PLA2G6: variants seen among roughly 807,000 people sequenced by gnomAD.
PLA2G6 encodes phospholipase A2 group VI, also known as 85/88 kDa calcium-independent phospholipase A2.
A neutral mutation model predicts 83.8 loss-of-function variants in PLA2G6; 62 were observed. The ratio of observed to expected loss-of-function variants is 0.74; its 90% CI spans 0.60 to 0.91. The LOEUF is 0.91. Among genes scored for constraint, PLA2G6 ranks in the 40% least tolerant of loss-of-function variants. PLA2G6 has a pLI of 0.00. For missense variants in PLA2G6, 944 were observed against 1,102.0 expected, an observed-to-expected ratio of 0.86 and a Z score of 2.03; for synonymous variants, 417 against 449.8, an observed-to-expected ratio of 0.93 and a Z score of 0.92.
At chr22:38,162,844 C>T (rs576393059) in intron 2 of PLA2G6, among the ~76,000 whole-genome samples, 7 of 152,224 alleles carry the variant, frequency 4.6e-5, no homozygotes, top group Admixed American at 1.3e-4. Context: ...GCGGGGCAAG[C>T]GGGTCCTTCA....
At position 38,153,380 on chromosome 22, in the gene PLA2G6, G is replaced by A. The variant is rs1016751250; in HGVS notation, c.210-7727C>T. ...GAAGTGAGGAGTGCCTCTCCTGGCC[G>A]CCGTGCAACCTTCCAAGTGTGAAGC... is the stretch of plus-strand genomic sequence containing the variant. On this transcript the variant is annotated intron_variant, in intron 2 of 16. Coordinates refer to ENST00000332509, the MANE Select transcript of PLA2G6 (RefSeq NM_003560.4). 2.0e-5 allele frequency among the ~76,000 whole-genome samples: 3 copies of A among 152,318 alleles called. No individual in the cohort carries two copies. The East Asian group carries it at 5.8e-4, about 29-fold the overall frequency.
At chr22:38,153,642 A>G (rs2089664613) in intron 2 of PLA2G6, among the ~76,000 whole-genome samples, 1 of 152,030 alleles carries the variant, frequency 6.6e-6, no homozygotes, top group African/African-American at 2.4e-5. Context: ...TCTCAAAAAA[A>G]AAAAAAAAAG....
chr22:38,115,122 C>T (rs2087110796), intron 14 of PLA2G6, among the ~76,000 whole-genome samples: 1 of 152,234 alleles, frequency 6.6e-6, no homozygotes, highest in African/African-American at 2.4e-5. Flanking sequence ...TCCGAGCCCC[C>T]AGGCCTTTTA....
rs1308797891 is a variant in PLA2G6, at chr22:38,123,796, T to C, written c.1428-538A>G. ...GTGCTACCAGCATTAGCTCATGTCA[T>C]TGTCCCAAACGCCTCTGAGGCAGAC... On this transcript the variant is annotated intron_variant, in intron 10 of 16. Transcript: ENST00000332509. This position sits in a 1 kb window ranked among gnomAD's most constrained non-coding sequence, Gnocchi z 4.1. Among the ~76,000 whole-genome samples the C allele has an allele frequency of 1.3e-5, 2 of 152,098 alleles. No individual in the cohort carries two copies. Among genetic ancestry groups the C allele is most frequent in the African/African-American group, 2.4e-5 (1 of 41,408 alleles).
chr22:38,126,705 A>C (rs1449441133), intron 9 of PLA2G6: 4 of 518,986 alleles, frequency 7.7e-6, no homozygotes, highest in African/African-American at 7.7e-5. Context: ...CACCCTGCCC[A>C]GCCAGCTCCC....
chr22:38,117,357 G>GC (rs1483715279), intron 12 of PLA2G6, among the ~76,000 whole-genome samples: 1 of 152,018 alleles, frequency 6.6e-6, no homozygotes, highest in African/African-American at 2.4e-5. Flanking sequence ...ACAGGCGCCC[G>GC]CCACCACGCC....
chr22:38,178,310 C>G (rs2090715182), intron 1 of PLA2G6, among the ~76,000 whole-genome samples: 2 of 152,196 alleles, frequency 1.3e-5, no homozygotes, highest in African/African-American at 4.8e-5. Context: ...GCAGTTCACT[C>G]CTGTAATCCC....
At chr22:38,148,565 C>A (rs116604972) in intron 2 of PLA2G6, 1 of 717,074 alleles carries the variant, frequency 1.4e-6, no homozygotes, top group Admixed American at 2.0e-5. Flanking sequence ...GATGGGCAGA[C>A]GAGCAGCACC....
Position 38,123,087 on chromosome 22 carries a change from G to A in PLA2G6, c.1591+8C>T, listed in dbSNP as rs200032947. ...CCGCCTGGCCCCATCCCCAGGGGCC[G>A]CCCTCACTGTGCAGAATGGCCAGGG... is the stretch of plus-strand genomic sequence containing the variant. On this transcript the variant is annotated splice_region_variant and intron_variant, in intron 11 of 16. Coordinates refer to ENST00000332509, the MANE Select transcript of PLA2G6 (RefSeq NM_003560.4). This position sits in a 1 kb window ranked among gnomAD's most constrained non-coding sequence, Gnocchi z 4.1. 186 of 1,547,774 alleles carry A rather than the reference G, an allele frequency of 1.2e-4. No homozygotes were observed. In the East Asian group the frequency reaches 2.1e-3, roughly 17 times the overall value.
intron 1 of PLA2G6, 104 bp from the exon 2 acceptor site, chr22:38,169,575 C>T (rs747114992): frequency 2.7e-5 from 19 of 704,054 alleles, no homozygotes; most frequent in Non-Finnish European, 3.8e-5. Context: ...TCCCCACCAG[C>T]GTTGTCCCCA....
Position 38,115,599 on chromosome 22 carries a change from C to T in PLA2G6, c.1962G>A (p.Gly654=). The stretch of plus-strand genomic sequence containing the variant: ...CCAGCGTGGGGTTGTTGGCCAGCAG[C>T]CCACCGTCCAGGAAGCGCCCATTGG... The part of the protein sequence containing the change: ...FRPNGRFLDG[G]LLANNPTLDA... Residue 654 remains glycine (G), a synonymous_variant, in exon 14 of 17, where the codon GGG becomes GGA. Transcript: ENST00000332509. 3 of 1,613,062 alleles carry T rather than the reference C, an allele frequency of 1.9e-6. No individual in the cohort carries two copies. The highest frequency in any genetic ancestry group is 2.5e-6 in the Non-Finnish European group (3 of 1,179,782).
In PLA2G6 at chr22:38,123,858, G is replaced by A. The variant is rs1001409785; in HGVS notation, c.1428-600C>T. ...TCCCTGTGCTTATTTATTTAGAGAC[G>A]GAGTTTCACTCTTGTTGCCCAGGCT... On this transcript the variant is annotated intron_variant, in intron 10 of 16. Transcript: ENST00000332509. This position sits in a 1 kb window ranked among gnomAD's most constrained non-coding sequence, Gnocchi z 4.1. 2.0e-5 allele frequency among the ~76,000 whole-genome samples: 3 copies of A among 152,062 alleles called. No homozygotes were observed. The highest frequency in any genetic ancestry group is 1.5e-5 in the Non-Finnish European group (1 of 68,006).
intron 3 of PLA2G6, chr22:38,145,163 T>A (rs1396182541): frequency 9.7e-6 from 4 of 413,222 alleles, no homozygotes; most frequent in Non-Finnish European, 1.8e-5. Flanking sequence ...TGCCTCAGCA[T>A]CCCAAGTAGC....
intron 12 of PLA2G6, among the ~76,000 whole-genome samples, chr22:38,119,775 T>C (rs1179464093): frequency 6.6e-6 from 1 of 151,742 alleles, no homozygotes; most frequent in Non-Finnish European, 1.5e-5. Context: ...TTCACAGCAA[T>C]ATACTCCAGC....
At position 38,145,669 on chromosome 22, in the gene PLA2G6, A is replaced by G; in HGVS notation, c.210-16T>C. On this transcript the variant is annotated splice_polypyrimidine_tract_variant and intron_variant, in intron 2 of 16. Transcript: ENST00000332509. The stretch of plus-strand genomic sequence containing the variant: ...CTGGAAGAGTCTGTAGAGCCAGGAC[A>G]GAGGAGCAAGACCCGAAATGAGTAA... 1 of 1,574,848 alleles carries G rather than the reference A, an allele frequency of 6.3e-7. No homozygotes were observed. Among genetic ancestry groups the G allele is most frequent in the Non-Finnish European group, 8.7e-7 (1 of 1,148,316 alleles).
At chr22:38,151,918 A>C (rs945709338) in intron 2 of PLA2G6, among the ~76,000 whole-genome samples, 1 of 152,200 alleles carries the variant, frequency 6.6e-6, no homozygotes, top group Non-Finnish European at 1.5e-5. Context: ...ATTATGCTGA[A>C]AAGTAAGCAA....
At chr22:38,130,337 A>T (rs2088133134) in intron 7 of PLA2G6, 1 of 154,824 alleles carries the variant, frequency 6.5e-6, no homozygotes, top group African/African-American at 2.4e-5. Flanking sequence ...GTTTTTTTTG[A>T]GACGGAGTCT....
intron 2 of PLA2G6, among the ~76,000 whole-genome samples, chr22:38,168,540 C>T (rs533781314): frequency 2.0e-4 from 30 of 152,192 alleles, no homozygotes; most frequent in African/African-American, 6.8e-4. Context: ...CCTATGAGAA[C>T]GGCCATGCCC....
chr22:38,170,795 C>T (rs577516284), intron 1 of PLA2G6, among the ~76,000 whole-genome samples: 2 of 152,208 alleles, frequency 1.3e-5, no homozygotes, highest in Admixed American at 1.3e-4. Context: ...GTGCTGAGCA[C>T]AGGATCAACC....
Sources: gnomAD v4.1 joint callset for allele counts (sites outside exome capture counted in the v4.1 genomes callset) on GRCh38, gnomAD v4.1.1 for gene constraint, Gnocchi (gnomAD v3.1) non-coding constraint, MANE v1.5 for transcripts, NCBI Gene and HGNC (gene_info 2026-07-23, HGNC 2026-07-21) for gene names.